SLC9A3: variants seen among roughly 807,000 people sequenced by gnomAD.
The protein encoded by SLC9A3 is solute carrier family 9 member A3.
In SLC9A3, 37 loss-of-function variants were observed where a neutral mutation model predicts 86.8. That is an observed-to-expected ratio of 0.43 (90% CI 0.33 to 0.56). The LOEUF is 0.56. Ranked by LOEUF, SLC9A3 falls within the 20% of genes least tolerant of loss-of-function variation. The pLI, the probability that SLC9A3 is intolerant of heterozygous loss-of-function variation, is 0.06. For synonymous variants in SLC9A3, 581 were observed against 528.3 expected (o/e 1.10, Z -1.37); for missense variants, 1,011 against 1,171.9 (o/e 0.86, Z 2.00).
intron 7 of SLC9A3, 39 bp downstream of exon 7, chr5:482,509 C>T (rs762396065): frequency 1.7e-5 from 26 of 1,534,350 alleles, no homozygotes; most frequent in East Asian, 4.5e-5. Flanking sequence ...CCCTCGCGGG[C>T]GGGGCCGAGA....
intron 1 of SLC9A3, among the ~76,000 whole-genome samples, chr5:504,002 C>T (rs1740427501): frequency 6.6e-6 from 1 of 152,054 alleles, no homozygotes; most frequent in South Asian, 2.1e-4. Context: ...ACTTCACCCT[C>T]TCTTCTCTCT....
chr5:472,108 G>A lies in SLC9A3; in HGVS notation c.*1271C>T, dbSNP rs1738390659. ...GGACCCTGTGGGACTTGCCGTCTGA[G>A]GGATGGATGGACTCCGAGCACCCTC... On this transcript the variant is annotated 3_prime_UTR_variant, in exon 17 of 17. Coordinates refer to ENST00000264938, the MANE Select transcript of SLC9A3 (RefSeq NM_004174.4). 1 of 414,600 alleles carries A rather than the reference G, an allele frequency of 2.4e-6. No individual in the cohort carries two copies. The highest frequency in any genetic ancestry group is 4.9e-6 in the Non-Finnish European group (1 of 205,742). The allele number at this position is 414,600 out of a possible 1,614,324, so 25.7% of individuals were successfully genotyped here.
At chr5:517,864 C>T (rs1225247131) in intron 1 of SLC9A3, among the ~76,000 whole-genome samples, 4 of 150,912 alleles carry the variant, frequency 2.7e-5, no homozygotes, top group Non-Finnish European at 5.9e-5. Flanking sequence ...TGACCATTCA[C>T]TCATCCATCC....
At chr5:475,401 G>T in intron 15 of SLC9A3, 160 bp downstream of exon 15, 1 of 624,848 alleles carries the variant, frequency 1.6e-6, no homozygotes, top group Non-Finnish European at 2.8e-6. Flanking sequence ...CTCCGAGTTG[G>T]TTGAGGGGGC....
intron 1 of SLC9A3, among the ~76,000 whole-genome samples, chr5:520,189 C>G (rs1733845561): frequency 6.6e-6 from 1 of 152,210 alleles, no homozygotes; most frequent in Non-Finnish European, 1.5e-5. Flanking sequence ...GGGATGTCAG[C>G]TCCCACACCT....
chr5:499,950 C>T (rs1444185189), intron 1 of SLC9A3, among the ~76,000 whole-genome samples: 2 of 152,242 alleles, frequency 1.3e-5, no homozygotes, highest in African/African-American at 2.4e-5. Flanking sequence ...ACCCACAGCC[C>T]TGGGCCCCGT....
At position 511,385 on chromosome 5, in the gene SLC9A3, T is replaced by G. The variant is rs1389992470; in HGVS notation, c.211+12727A>C. On this transcript the variant is annotated intron_variant, in intron 1 of 16. Transcript: ENST00000264938. Reference sequence around the variant, plus strand: ...CTTTTTCTCTGCAAAAGAAGACATTTGCAAAACACATATCTCCTAAAGAGT... The same window carrying G: ...CTTTTTCTCTGCAAAAGAAGACATTGGCAAAACACATATCTCCTAAAGAGT... 2.0e-5 allele frequency among the ~76,000 whole-genome samples: 3 copies of G among 152,306 alleles called. No homozygotes were observed. In the East Asian group the frequency reaches 5.8e-4, roughly 29 times the overall value.
intron 1 of SLC9A3, among the ~76,000 whole-genome samples, chr5:503,501 A>G (rs1173407375): frequency 1.3e-5 from 2 of 152,224 alleles, no homozygotes; most frequent in East Asian, 3.8e-4. Flanking sequence ...GGTGACAGTG[A>G]GCGAGGCCCC....
chr5:508,184 G>A (rs1291642949), intron 1 of SLC9A3, among the ~76,000 whole-genome samples: 2 of 151,894 alleles, frequency 1.3e-5, no homozygotes, highest in Non-Finnish European at 2.9e-5. Flanking sequence ...GATGCCGCAG[G>A]GAGACGCAGG....
At chr5:512,944 TCAGAG>T (rs1733601561) in intron 1 of SLC9A3, among the ~76,000 whole-genome samples, 1 of 152,028 alleles carries the variant, frequency 6.6e-6, no homozygotes, top group Non-Finnish European at 1.5e-5. Context: ...GTCACCAAGA[TCAGAG>T]CAAATACCAG....
chr5:483,171 A>C, intron 6 of SLC9A3, 91 bp downstream of exon 6: 1 of 1,008,544 alleles, frequency 9.9e-7, no homozygotes, highest in Non-Finnish European at 1.5e-6. Flanking sequence ...CTGCACCTCC[A>C]TCTCCCTGGG....
chr5:485,114 G>T, intron 4 of SLC9A3, 39 bp downstream of exon 4: 2 of 1,481,610 alleles, frequency 1.3e-6, no homozygotes, highest in African/African-American at 1.4e-5. Flanking sequence ...CCCCAGAGGA[G>T]ACACGGCCGC....
Position 483,335 on chromosome 5 carries a change from G to A in SLC9A3, c.1080C>T (p.Asn360=), listed in dbSNP as rs1319401475. Residue 360 remains asparagine (N), a synonymous_variant, in exon 6 of 17, where the codon AAC becomes AAT. Transcript: ENST00000264938. ...CCGTGTTCCAGGTCCAGATGAACGG[G>A]TTCACGGCCGAGATACCCAGGAACA... The part of the protein sequence containing the change: ...IFMFLGISAV[N]PFIWTWNTAF... 6.4e-7 allele frequency: 1 copy of A among 1,566,484 alleles called. No homozygotes were observed. The highest frequency in any genetic ancestry group is 8.6e-7 in the Non-Finnish European group (1 of 1,156,256).
intron 9 of SLC9A3, chr5:480,215 C>T (rs1172262350): frequency 1.3e-5 from 6 of 447,054 alleles, no homozygotes; most frequent in East Asian, 8.9e-5. Flanking sequence ...GCTCAGGACA[C>T]GGTGGGTGTC....
Position 472,183 on chromosome 5 carries a change from A to G in SLC9A3, c.*1196T>C. On this transcript the variant is annotated 3_prime_UTR_variant, in exon 17 of 17. Transcript: ENST00000264938. ...GCCCACTCAATGGACTGTGCCTCCCAGAGCTTGGGCTGGATGGTCTCCCTG... is the reference window on the plus strand; with the variant it reads ...GCCCACTCAATGGACTGTGCCTCCCGGAGCTTGGGCTGGATGGTCTCCCTG... The G allele has an allele frequency of 1.9e-5, 7 of 365,968 alleles. No individual in the cohort carries two copies. The highest frequency in any genetic ancestry group is 1.4e-4 in the South Asian group (7 of 48,928). The allele number at this position is 365,968 out of a possible 1,614,324, so 22.7% of individuals were successfully genotyped here.
intron 1 of SLC9A3, among the ~76,000 whole-genome samples, chr5:521,601 G>A (rs1454694803): frequency 6.6e-6 from 1 of 152,110 alleles, no homozygotes; most frequent in Non-Finnish European, 1.5e-5. Context: ...GAAAGAGTGT[G>A]GCCAACCCCT....
At chr5:503,448 G>A (rs1459541406) in intron 1 of SLC9A3, among the ~76,000 whole-genome samples, 1 of 152,210 alleles carries the variant, frequency 6.6e-6, no homozygotes, top group Admixed American at 6.5e-5. Context: ...TGAGGCCAGA[G>A]GGTCCATTGA....
At chr5:521,798 G>A (rs1360557207) in intron 1 of SLC9A3, among the ~76,000 whole-genome samples, 1 of 152,216 alleles carries the variant, frequency 6.6e-6, no homozygotes, top group Non-Finnish European at 1.5e-5. Flanking sequence ...TGCACCTGAG[G>A]CTGGCTGCAC....
At chr5:498,219 C>T (rs891550615) in intron 1 of SLC9A3, among the ~76,000 whole-genome samples, 3 of 152,214 alleles carry the variant, frequency 2.0e-5, no homozygotes, top group African/African-American at 4.8e-5. Flanking sequence ...TCTCTGTGAA[C>T]GTCCTCACGA....
Sources: gnomAD v4.1 joint callset for allele counts (sites outside exome capture counted in the v4.1 genomes callset) on GRCh38, gnomAD v4.1.1 for gene constraint, MANE v1.5 for transcripts, NCBI Gene and HGNC (gene_info 2026-07-23, HGNC 2026-07-21) for gene names.